PTPRD: variants seen among roughly 807,000 people sequenced by gnomAD.
PTPRD encodes receptor-type tyrosine-protein phosphatase delta.
A neutral mutation model predicts 214.5 loss-of-function variants in PTPRD; 34 were observed. The observed-to-expected ratio is 0.16, with a 90% CI of 0.12 to 0.21. The LOEUF is 0.21. Ranked by LOEUF, PTPRD falls within the 10% of genes least tolerant of loss-of-function variation. The probability of loss-of-function intolerance (pLI) is 1.00; values close to 1 mark genes in which losing one functional copy is unlikely to be tolerated. For missense variants in PTPRD, 2,545 were observed against 2,398.7 expected (o/e 1.06, Z -1.27); for synonymous variants, 1,128 against 845.7 (o/e 1.33, Z -5.79).
intron 9 of PTPRD, among the ~76,000 whole-genome samples, chr9:9,356,462 A>G (rs912369004): frequency 6.6e-6 from 1 of 151,404 alleles, no homozygotes; most frequent in Admixed American, 6.6e-5. Context: ...GCAAACACAC[A>G]TTTAAAATCA....
At chr9:9,219,014 G>A (rs182074974) in intron 9 of PTPRD, among the ~76,000 whole-genome samples, 1 of 151,962 alleles carries the variant, frequency 6.6e-6, no homozygotes, top group African/African-American at 2.4e-5. Flanking sequence ...GGAAAGGAAG[G>A]GGTACTTTGG....
At chr9:10,352,242 C>A (rs571967597) in intron 2 of PTPRD, among the ~76,000 whole-genome samples, 1 of 151,928 alleles carries the variant, frequency 6.6e-6, no homozygotes, top group African/African-American at 2.4e-5. Context: ...TTACTTTATC[C>A]TGTTTTAATA....
In PTPRD at chr9:9,987,664, G is replaced by C. The variant is rs1566942700; in HGVS notation, c.-472+46054C>G. 2.0e-5 allele frequency among the ~76,000 whole-genome samples: 3 copies of C among 152,094 alleles called. No homozygotes were observed. The South Asian group carries it at 6.2e-4, about 32-fold the overall frequency. ...ATTATACCTATCACTTCTTAATAAA[G>C]ATTCATTACCAAAAGTAATTCCTTC... On this transcript the variant is annotated intron_variant, in intron 4 of 45. Transcript: ENST00000381196.
At chr9:8,935,067 G>C (rs1194334206) in intron 11 of PTPRD, among the ~76,000 whole-genome samples, 4 of 151,884 alleles carry the variant, frequency 2.6e-5, no homozygotes, top group Non-Finnish European at 5.9e-5. Context: ...CCATTTATCT[G>C]TTGATAAACA....
intron 11 of PTPRD, among the ~76,000 whole-genome samples, chr9:9,005,976 T>C (rs563044525): frequency 1.2e-4 from 18 of 152,162 alleles, no homozygotes; most frequent in African/African-American, 4.3e-4. Context: ...AGAGAGCTTC[T>C]GGGGCTCCTG....
chr9:10,070,986 CA>C (rs1334926310), intron 3 of PTPRD, among the ~76,000 whole-genome samples: 2 of 151,860 alleles, frequency 1.3e-5, no homozygotes, highest in African/African-American at 4.8e-5. Context: ...GAGAAATGAA[CA>C]ATTTGAATTT....
chr9:10,537,302 T>A, intron 2 of PTPRD, among the ~76,000 whole-genome samples: 1 of 152,314 alleles, frequency 6.6e-6, no homozygotes, highest in Non-Finnish European at 1.5e-5. Context: ...CACACTGATT[T>A]GTTAATGTCA....
At chr9:10,466,069 G>A (rs1160725538) in intron 2 of PTPRD, among the ~76,000 whole-genome samples, 1 of 152,070 alleles carries the variant, frequency 6.6e-6, no homozygotes, top group Non-Finnish European at 1.5e-5. Flanking sequence ...CAGTAGCTGG[G>A]GATACTACTG....
chr9:8,837,643 C>T (rs2097461720), intron 11 of PTPRD, among the ~76,000 whole-genome samples: 1 of 152,028 alleles, frequency 6.6e-6, no homozygotes, highest in African/African-American at 2.4e-5. Flanking sequence ...ATTACAGGTG[C>T]ATACCACCAT....
At chr9:9,196,582 T>C (rs964525658) in intron 9 of PTPRD, among the ~76,000 whole-genome samples, 2 of 152,204 alleles carry the variant, frequency 1.3e-5, no homozygotes, top group African/African-American at 2.4e-5. Context: ...TTTAAACAAA[T>C]AACTTTATTT....
At chr9:9,954,301 A>G (rs200663374) in intron 4 of PTPRD, among the ~76,000 whole-genome samples, 2,057 of 135,048 alleles carry the variant, frequency 0.015, 25 homozygotes, top group East Asian at 0.096. Flanking sequence ...TCAAAACAAA[A>G]AAAAAAAAAA....
At chr9:10,296,441 T>C (rs530999237) in intron 3 of PTPRD, among the ~76,000 whole-genome samples, 3 of 152,094 alleles carry the variant, frequency 2.0e-5, no homozygotes, top group Admixed American at 1.3e-4. Context: ...TCTCATTTTG[T>C]TTCCTTACCC....
intron 3 of PTPRD, among the ~76,000 whole-genome samples, chr9:10,217,938 G>A (rs2099549135): frequency 6.6e-6 from 1 of 151,908 alleles, no homozygotes. Context: ...TCTTCCCATA[G>A]AAGCTTATGT....
chr9:8,376,406 G>A (rs2083264605), intron 38 of PTPRD, among the ~76,000 whole-genome samples: 1 of 151,988 alleles, frequency 6.6e-6, no homozygotes, highest in Non-Finnish European at 1.5e-5. Context: ...ACTTTCATTT[G>A]GAGCAAGAGT....
At chr9:8,321,528 A>ATATAT (rs1563892616) in intron 44 of PTPRD, among the ~76,000 whole-genome samples, 30 of 79,146 alleles carry the variant, frequency 3.8e-4, no homozygotes, top group African/African-American at 1.1e-3. Flanking sequence ...TATATATATA[A>ATATAT]AAGGTATATG....
At position 9,160,450 on chromosome 9, in the gene PTPRD, C is replaced by T. The variant is rs578158784; in HGVS notation, c.-143+22854G>A. ...TTAAAAAATGCTCAGTATCACTAAT[C>T]ATTAGGGTAATGAAAATTAAAACCA... is the stretch of plus-strand genomic sequence containing the variant. On this transcript the variant is annotated intron_variant, in intron 10 of 45. Coordinates refer to ENST00000381196, the MANE Select transcript of PTPRD (RefSeq NM_002839.4). Among the ~76,000 whole-genome samples, 14 of 152,208 alleles carry T rather than the reference C, an allele frequency of 9.2e-5. 1 individual carries two copies. In the South Asian group the frequency reaches 2.7e-3, roughly 29 times the overall value.
chr9:9,608,713 A>C (rs1248118739), intron 7 of PTPRD, among the ~76,000 whole-genome samples: 4 of 152,190 alleles, frequency 2.6e-5, no homozygotes, highest in African/African-American at 9.6e-5. Context: ...CCCAGTCCTC[A>C]AGTGACAGCT....
At chr9:8,372,015 C>G (rs1002041434) in intron 39 of PTPRD, among the ~76,000 whole-genome samples, 8 of 151,980 alleles carry the variant, frequency 5.3e-5, no homozygotes, top group African/African-American at 1.2e-4. Context: ...CATTAAGTTC[C>G]TTTAACAGCA....
At chr9:10,360,938 T>TA (rs1357826151) in intron 2 of PTPRD, among the ~76,000 whole-genome samples, 1 of 151,938 alleles carries the variant, frequency 6.6e-6, no homozygotes, top group East Asian at 1.9e-4. Flanking sequence ...CCGTCTCTAC[T>TA]AAAAATACAA....
Sources: gnomAD v4.1 joint callset for allele counts (sites outside exome capture counted in the v4.1 genomes callset) on GRCh38, gnomAD v4.1.1 for gene constraint, MANE v1.5 for transcripts, NCBI Gene and HGNC (gene_info 2026-07-23, HGNC 2026-07-21) for gene names.